CNRIP1: variants seen among roughly 807,000 people sequenced by gnomAD.
CNRIP1 encodes the protein CB1 cannabinoid receptor-interacting protein 1.
CNRIP1 carries 10 observed loss-of-function variants against 15.2 expected under a neutral mutation model. The ratio of observed to expected loss-of-function variants is 0.66; its 90% CI spans 0.41 to 1.12. The LOEUF (loss-of-function observed/expected upper bound fraction) is 1.12, where lower values mean the gene tolerates loss of function less well. Ranked by LOEUF, CNRIP1 falls within the 50% of genes most tolerant of loss-of-function variation. CNRIP1 has a pLI of 0.00. For synonymous variants in CNRIP1, 91 were observed against 83.2 expected, an observed-to-expected ratio of 1.09 and a Z score of -0.51; for missense variants, 211 against 214.7, an observed-to-expected ratio of 0.98 and a Z score of 0.11.
At chr2:68,302,319 C>G (rs1671640585) in intron 2 of CNRIP1, among the ~76,000 whole-genome samples, 1 of 152,160 alleles carries the variant, frequency 6.6e-6, no homozygotes, top group African/African-American at 2.4e-5. Flanking sequence ...CATACTCAGC[C>G]TCATTACCAC....
At chr2:68,314,833 G>A (rs571142198) in intron 2 of CNRIP1, among the ~76,000 whole-genome samples, 1 of 151,952 alleles carries the variant, frequency 6.6e-6, no homozygotes, top group South Asian at 2.1e-4. Flanking sequence ...GGACACTGTG[G>A]GCAAATACTT....
At chr2:68,303,369 A>T (rs901161482) in intron 2 of CNRIP1, among the ~76,000 whole-genome samples, 3 of 152,200 alleles carry the variant, frequency 2.0e-5, no homozygotes, top group Non-Finnish European at 4.4e-5. Flanking sequence ...AGGTCATCAT[A>T]AATGAGACTG....
In CNRIP1 at chr2:68,317,314, T is replaced by C. The variant is rs960601469; in HGVS notation, c.180-7A>G. ...ACCACCAATGGAAATATTCCTGCAA[T>C]AGACTTGAGTTGACCACATACGGTT... On this transcript the variant is annotated splice_region_variant and splice_polypyrimidine_tract_variant and intron_variant, in intron 1 of 2. Transcript: ENST00000263655. 2 of 1,613,398 alleles carry C rather than the reference T, an allele frequency of 1.2e-6. No individual in the cohort carries two copies.
chr2:68,295,223 ACAG>A (rs1435636832), intron 2 of CNRIP1, among the ~76,000 whole-genome samples: 1 of 152,160 alleles, frequency 6.6e-6, no homozygotes, highest in Non-Finnish European at 1.5e-5. Flanking sequence ...TCTTGCTGAT[ACAG>A]GAGGAGGGTG....
intron 2 of CNRIP1, among the ~76,000 whole-genome samples, chr2:68,284,864 A>G (rs1273047707): frequency 6.6e-6 from 1 of 151,996 alleles, no homozygotes; most frequent in Non-Finnish European, 1.5e-5. Context: ...TTCTGTGAAG[A>G]CTATAAAGAA....
intron 2 of CNRIP1, among the ~76,000 whole-genome samples, chr2:68,311,779 GAAAAAA>G (rs59421926): frequency 4.4e-5 from 4 of 90,282 alleles, no homozygotes; most frequent in Admixed American, 1.2e-4. Context: ...CATCTCCGGG[GAAAAAA>G]AAAAAAAAAA....
rs1214086385 is a variant in CNRIP1 at position 68,302,845 on chromosome 2, C to CTTTT, written c.331-8823_331-8820dup. ...ATCATTTATTCAATGATTTGAAAAA[C>CTTTT]TTTTTTTTTTTTTTTTTTTTTGAGA... is the stretch of plus-strand genomic sequence containing the variant. On this transcript the variant is annotated intron_variant, in intron 2 of 2. Coordinates refer to ENST00000263655, the MANE Select transcript of CNRIP1 (RefSeq NM_015463.3). Among the ~76,000 whole-genome samples, 335 of 126,250 alleles carry CTTTT rather than the reference C, an allele frequency of 2.7e-3. 4 individuals carry two copies. Among genetic ancestry groups the CTTTT allele is most frequent in the African/African-American group, 0.01 (305 of 30,362 alleles). The allele number at this position is 126,250 out of a possible 152,430, so 82.8% of individuals were successfully genotyped here.
intron 2 of CNRIP1, chr2:68,316,732 TC>T: frequency 3.3e-6 from 1 of 300,482 alleles, no homozygotes. Context: ...GGTGTATTTT[TC>T]CCATGACACT....
At chr2:68,296,629 CT>C (rs1394936385) in intron 2 of CNRIP1, among the ~76,000 whole-genome samples, 2 of 151,144 alleles carry the variant, frequency 1.3e-5, no homozygotes, top group African/African-American at 4.9e-5. Flanking sequence ...CTCCTATGTT[CT>C]TTTTTTAATT....
chr2:68,306,411 G>A (rs1671848414), intron 2 of CNRIP1, among the ~76,000 whole-genome samples: 1 of 151,926 alleles, frequency 6.6e-6, no homozygotes, highest in Admixed American at 6.6e-5. Flanking sequence ...GAACTCGTCA[G>A]GCCTGAGTTT....
chr2:68,314,532 G>T (rs1672202766), intron 2 of CNRIP1, among the ~76,000 whole-genome samples: 1 of 151,568 alleles, frequency 6.6e-6, no homozygotes, highest in East Asian at 1.9e-4. Context: ...AATGCAATAT[G>T]ACCAGGAAAA....
In CNRIP1 at chr2:68,319,340, C is replaced by A; in HGVS notation, c.61G>T (p.Gly21Cys). ...SIALRIQPND[G>C]PVFYKVDGQR... ...CCGTCCACCTTGTAAAAGACCGGGCCGTCATTAGGCTGGATGCGCAGCGCG... is the reference window on the plus strand; with the variant it reads ...CCGTCCACCTTGTAAAAGACCGGGCAGTCATTAGGCTGGATGCGCAGCGCG... Residue 21 changes from glycine to cysteine, a missense_variant, in exon 1 of 3, where the codon GGC becomes TGC. Gly to Cys is a radical substitution (Grantham distance 159). Coordinates refer to ENST00000263655, the MANE Select transcript of CNRIP1 (RefSeq NM_015463.3). 1 of 1,575,598 alleles carries A rather than the reference C, an allele frequency of 6.3e-7. No homozygotes were observed. Among genetic ancestry groups the A allele is most frequent in the Non-Finnish European group, 8.6e-7 (1 of 1,160,650 alleles).
chr2:68,317,318 C>T lies in CNRIP1; in HGVS notation c.180-11G>A, dbSNP rs374183617. The T allele has an allele frequency of 2.9e-5, 46 of 1,613,074 alleles. No individual in the cohort carries two copies. The highest frequency in any genetic ancestry group is 3.3e-4 in the Middle Eastern group (2 of 6,084). On this transcript the variant is annotated splice_polypyrimidine_tract_variant and intron_variant, in intron 1 of 2. Coordinates refer to ENST00000263655, the MANE Select transcript of CNRIP1 (RefSeq NM_015463.3). ...CCAATGGAAATATTCCTGCAATAGA[C>T]TTGAGTTGACCACATACGGTTGAAA... is the stretch of plus-strand genomic sequence containing the variant.
At chr2:68,305,259 A>AAAAATAT (rs1267101468) in intron 2 of CNRIP1, among the ~76,000 whole-genome samples, 14 of 100,358 alleles carry the variant, frequency 1.4e-4, no homozygotes, top group African/African-American at 5.1e-4. Flanking sequence ...AAAAAAAAAA[A>AAAAATAT]ATATATATAT....
intron 2 of CNRIP1, among the ~76,000 whole-genome samples, chr2:68,313,428 G>A (rs1479297815): frequency 6.6e-6 from 1 of 152,090 alleles, no homozygotes; most frequent in Non-Finnish European, 1.5e-5. Flanking sequence ...AAACAACCCA[G>A]ATGTCCATTT....
rs536557510 is a variant in CNRIP1, at chr2:68,317,242, C to G, written c.245G>C (p.Arg82Thr). Residue 82 changes from arginine (R) to threonine (T), a missense_variant, in exon 2 of 3, where the codon AGA becomes ACA. Physicochemically the swap from Arg to Thr is moderately conservative, Grantham distance 71 (BLOSUM62 -1). Coordinates refer to ENST00000263655, the MANE Select transcript of CNRIP1 (RefSeq NM_015463.3). Reference protein sequence around the residue: ...ELKSKEPDGDRVVYTGTYDTE... With the variant: ...ELKSKEPDGDTVVYTGTYDTE... ...GTCATATGTACCCGTATAAACAACT[C>G]TGTCCCCATCAGGCTCTTTAGACTT... The G allele has an allele frequency of 8.1e-6, 13 of 1,614,220 alleles. 2 individuals are homozygous for G. The South Asian group carries it at 1.3e-4, about 16-fold the overall frequency.
At chr2:68,307,928 C>G (rs1307146642) in intron 2 of CNRIP1, among the ~76,000 whole-genome samples, 5 of 152,112 alleles carry the variant, frequency 3.3e-5, no homozygotes, top group African/African-American at 1.2e-4. Flanking sequence ...TGTGGTGGCT[C>G]ACCCCTGTAA....
chr2:68,289,719 G>A (rs1252588903), downstream of CNRIP1, among the ~76,000 whole-genome samples: 4 of 152,154 alleles, frequency 2.6e-5, no homozygotes, highest in African/African-American at 7.2e-5. Context: ...GGGCTCAAGC[G>A]AGCCACCTGC....
At chr2:68,305,280 G>A (rs932910517) in intron 2 of CNRIP1, among the ~76,000 whole-genome samples, 4,611 of 59,484 alleles carry the variant, frequency 0.078, 160 homozygotes, top group East Asian at 0.19. Flanking sequence ...ATATATGTGT[G>A]TGTGTGTGTG....
Sources: gnomAD v4.1 joint callset for allele counts (sites outside exome capture counted in the v4.1 genomes callset) on GRCh38, gnomAD v4.1.1 for gene constraint, MANE v1.5 for transcripts, NCBI Gene and HGNC (gene_info 2026-07-23, HGNC 2026-07-21) for gene names.